Variants in FBXL17 observed in about 807,000 individuals in gnomAD.
FBXL17 encodes F-box/LRR-repeat protein 17.
In FBXL17, 22 loss-of-function variants were observed where a neutral mutation model predicts 66.2. The ratio of observed to expected loss-of-function variants is 0.33; its 90% CI spans 0.24 to 0.47. The LOEUF (loss-of-function observed/expected upper bound fraction) is 0.47, where lower values mean the gene tolerates loss of function less well. Ranked by LOEUF, FBXL17 falls within the 20% of genes least tolerant of loss-of-function variation. FBXL17 has a pLI of 1.00. For missense variants in FBXL17, 878 were observed against 948.2 expected, an observed-to-expected ratio of 0.93 and a Z score of 0.97; for synonymous variants, 474 against 400.5, an observed-to-expected ratio of 1.18 and a Z score of -2.19.
At chr5:108,372,939 C>T (rs570024356) in intron 1 of FBXL17, among the ~76,000 whole-genome samples, 72 of 151,984 alleles carry the variant, frequency 4.7e-4, no homozygotes, top group African/African-American at 1.6e-3. Context: ...TAAAAGACTA[C>T]ATAAAACAGT....
intron 4 of FBXL17, among the ~76,000 whole-genome samples, chr5:108,238,276 T>C (rs1755694461): frequency 2.0e-5 from 3 of 152,216 alleles, no homozygotes; most frequent in Non-Finnish European, 4.4e-5. Context: ...AAAAGAAATC[T>C]AAAAGCAGAT....
chr5:108,203,069 TAAG>T (rs1046919046), intron 5 of FBXL17, among the ~76,000 whole-genome samples: 3 of 152,288 alleles, frequency 2.0e-5, no homozygotes, highest in African/African-American at 7.2e-5. Flanking sequence ...AGTTTTTAAG[TAAG>T]TTTTATTTTC....
At chr5:108,352,849 G>T (rs1747739976) in intron 3 of FBXL17, among the ~76,000 whole-genome samples, 1 of 151,522 alleles carries the variant, frequency 6.6e-6, no homozygotes, top group South Asian at 2.1e-4. Context: ...TGTCCAGGAA[G>T]ACAGTGCTAG....
rs189454878 is a variant in FBXL17 at position 108,044,974 on chromosome 5, G to A, written c.1746-23973C>T. Among the ~76,000 whole-genome samples the A allele has an allele frequency of 3.7e-3, 565 of 152,074 alleles. 1 individual carries two copies. The highest frequency in any genetic ancestry group is 5.6e-3 in the Admixed American group (86 of 15,274). On this transcript the variant is annotated intron_variant, in intron 6 of 8. Coordinates refer to ENST00000542267, the MANE Select transcript of FBXL17 (RefSeq NM_001163315.3). ...ATTATCTTTCCATGTGTGCAAGGTC[G>A]GTAGTAATATCTCGTTTCATTCCTG...
At chr5:108,294,212 C>T (rs1169983333) in intron 4 of FBXL17, among the ~76,000 whole-genome samples, 4 of 146,006 alleles carry the variant, frequency 2.7e-5, no homozygotes, top group Admixed American at 6.9e-5. Context: ...TGAAAAGATA[C>T]ACTATATATA....
chr5:107,975,861 T>C (rs1357135671), intron 7 of FBXL17, among the ~76,000 whole-genome samples: 1 of 66,770 alleles, frequency 1.5e-5, no homozygotes, highest in Non-Finnish European at 3.3e-5. Context: ...GTTGTTGTTT[T>C]TTTTTTTTTT....
At chr5:107,887,276 G>A (rs1244261224) in intron 7 of FBXL17, among the ~76,000 whole-genome samples, 1 of 152,148 alleles carries the variant, frequency 6.6e-6, no homozygotes, top group Admixed American at 6.5e-5. Context: ...TTAAGTAGAG[G>A]ACTACAATTT....
At chr5:108,157,206 G>GA (rs1340400637) in intron 6 of FBXL17, among the ~76,000 whole-genome samples, 49 of 149,704 alleles carry the variant, frequency 3.3e-4, no homozygotes, top group African/African-American at 1.1e-3. Context: ...CTAGGCTAGG[G>GA]AAAACATACA....
intron 6 of FBXL17, among the ~76,000 whole-genome samples, chr5:108,105,515 G>A (rs766461520): frequency 1.3e-5 from 2 of 152,130 alleles, no homozygotes; most frequent in East Asian, 3.8e-4. Flanking sequence ...AGGTAAAGGA[G>A]AAAACACAGC....
At chr5:108,264,619 GA>G (rs764338346) in intron 4 of FBXL17, among the ~76,000 whole-genome samples, 35 of 152,162 alleles carry the variant, frequency 2.3e-4, no homozygotes, top group Admixed American at 1.2e-3. Context: ...TTCTGACCTT[GA>G]AATAAATGAA....
intron 7 of FBXL17, among the ~76,000 whole-genome samples, chr5:107,993,802 G>A (rs1471399925): frequency 6.6e-6 from 1 of 152,058 alleles, no homozygotes; most frequent in Admixed American, 6.6e-5. Context: ...ATTAAGTCAT[G>A]GCAATACCAA....
chr5:108,193,914 T>C (rs1753571403), intron 5 of FBXL17, among the ~76,000 whole-genome samples: 1 of 152,140 alleles, frequency 6.6e-6, no homozygotes. Context: ...AGATCTGACA[T>C]TATTCTCCAT....
chr5:108,293,863 A>C (rs1392193000), intron 4 of FBXL17, among the ~76,000 whole-genome samples: 2 of 151,870 alleles, frequency 1.3e-5, no homozygotes, highest in African/African-American at 2.4e-5. Context: ...CAACGTGGTG[A>C]AACCCCATCT....
intron 4 of FBXL17, among the ~76,000 whole-genome samples, chr5:108,330,612 G>T (rs994817908): frequency 6.6e-6 from 1 of 151,978 alleles, no homozygotes; most frequent in African/African-American, 2.4e-5. Flanking sequence ...AAGTATAGTC[G>T]CAATATAAAG....
At chr5:108,099,408 C>T (rs994210709) in intron 6 of FBXL17, among the ~76,000 whole-genome samples, 3 of 152,048 alleles carry the variant, frequency 2.0e-5, no homozygotes, top group African/African-American at 7.2e-5. Flanking sequence ...TTACATGGCA[C>T]AGGAGACTTC....
intron 6 of FBXL17, 106 bp downstream of exon 6, chr5:108,186,011 G>A: frequency 1.2e-6 from 1 of 840,024 alleles, no homozygotes; most frequent in Non-Finnish European, 1.8e-6. Flanking sequence ...ATTTGAAAAG[G>A]CACAGCTGTA....
intron 7 of FBXL17, among the ~76,000 whole-genome samples, chr5:107,900,854 G>A (rs1182853585): frequency 6.6e-6 from 1 of 152,046 alleles, no homozygotes; most frequent in Non-Finnish European, 1.5e-5. Context: ...AACTAACAAA[G>A]TGCAATGTAC....
intron 7 of FBXL17, among the ~76,000 whole-genome samples, chr5:107,961,791 TG>T (rs1047399151): frequency 1.3e-5 from 2 of 152,200 alleles, no homozygotes; most frequent in Admixed American, 1.3e-4. Flanking sequence ...CATGGTTGCA[TG>T]GGCTTCTCAG....
chr5:108,222,189 T>C (rs1184676814), intron 5 of FBXL17, among the ~76,000 whole-genome samples: 2 of 152,216 alleles, frequency 1.3e-5, no homozygotes, highest in Non-Finnish European at 2.9e-5. Context: ...CCATAATTTT[T>C]GGCCATCTCA....
Sources: allele counts gnomAD v4.1 joint callset (sites outside exome capture counted in the v4.1 genomes callset), GRCh38; gene constraint gnomAD v4.1.1; transcripts MANE v1.5; gene names NCBI Gene and HGNC (gene_info 2026-07-23, HGNC 2026-07-21).